The following KCNT2 variants were observed in gnomAD, a reference collection of about 807,000 sequenced individuals.
The protein encoded by KCNT2 is potassium sodium-activated channel subfamily T member 2, also known as potassium channel subfamily T member 2.
A neutral mutation model predicts 153.8 loss-of-function variants in KCNT2; 67 were observed. That is an observed-to-expected ratio of 0.44 (90% CI 0.36 to 0.53). The LOEUF is 0.53. Ranked by LOEUF, KCNT2 falls within the 20% of genes least tolerant of loss-of-function variation. The pLI, the probability that KCNT2 is intolerant of heterozygous loss-of-function variation, is 0.00. For missense variants in KCNT2, 975 were observed against 1,354.8 expected (o/e 0.72, Z 4.40); for synonymous variants, 500 against 458.8 (o/e 1.09, Z -1.15).
At chr1:196,426,011 T>C (rs1479308767) in intron 10 of KCNT2, 23 bp from the exon 11 acceptor site, 2 of 1,601,606 alleles carry the variant, frequency 1.2e-6, no homozygotes, top group East Asian at 2.2e-5. Flanking sequence ...AAATGGGCAA[T>C]GGAATAGAAA....
intron 1 of KCNT2, among the ~76,000 whole-genome samples, chr1:196,539,854 ATATC>A (rs1308726165): frequency 2.0e-5 from 3 of 151,614 alleles, no homozygotes; most frequent in African/African-American, 7.3e-5. Flanking sequence ...TATATAAATT[ATATC>A]TATTATATCA....
At chr1:196,500,205 GGAGAGAGAGAGAGAGAGACGGAGAGAGA>G (rs1216765051) in intron 1 of KCNT2, among the ~76,000 whole-genome samples, 1 of 129,602 alleles carries the variant, frequency 7.7e-6, no homozygotes, top group East Asian at 2.3e-4. Context: ...GGAAGGAGGG[GGAGAGAGAGAGAGAGAGACGGAGAGAGA>G]GAGAGAGAGA....
chr1:196,409,762 A>T (rs1056435324), intron 12 of KCNT2, among the ~76,000 whole-genome samples: 13 of 151,710 alleles, frequency 8.6e-5, no homozygotes, highest in African/African-American at 2.9e-4. Flanking sequence ...TGAACATAGG[A>T]GTACAGACAT....
intron 14 of KCNT2, among the ~76,000 whole-genome samples, chr1:196,362,111 C>CT (rs1031321872): frequency 3.3e-5 from 5 of 152,048 alleles, no homozygotes; most frequent in Non-Finnish European, 5.9e-5. Context: ...TGCTCCCCCA[C>CT]TTTTTTTGTT....
intron 22 of KCNT2, among the ~76,000 whole-genome samples, chr1:196,296,396 A>C (rs867623458): frequency 6.6e-6 from 1 of 151,982 alleles, no homozygotes; most frequent in South Asian, 2.1e-4. Context: ...TATAACAATG[A>C]ATATATTACA....
chr1:196,311,255 G>A (rs113470901), intron 21 of KCNT2, among the ~76,000 whole-genome samples: 7,522 of 151,778 alleles, frequency 0.05, 282 homozygotes, highest in Non-Finnish European at 0.072. Context: ...AAGGCCACCA[G>A]CTATGTCCAC....
At chr1:196,395,546 C>A (rs1156260412) in intron 13 of KCNT2, among the ~76,000 whole-genome samples, 1 of 151,368 alleles carries the variant, frequency 6.6e-6, no homozygotes, top group Non-Finnish European at 1.5e-5. Flanking sequence ...TCCAAGTATC[C>A]TTTTTAGTAT....
intron 27 of KCNT2, among the ~76,000 whole-genome samples, chr1:196,230,365 C>T (rs1356876792): frequency 6.6e-6 from 1 of 151,848 alleles, no homozygotes. Flanking sequence ...AATGTTAGGC[C>T]CATTGTTGAG....
chr1:196,314,370 A>C (rs1662496043), intron 21 of KCNT2, among the ~76,000 whole-genome samples: 1 of 151,500 alleles, frequency 6.6e-6, no homozygotes, highest in African/African-American at 2.4e-5. Flanking sequence ...TCTACCCTGT[A>C]ATTTTCTTTT....
intron 12 of KCNT2, among the ~76,000 whole-genome samples, chr1:196,405,266 T>C (rs148318313): frequency 1.0e-3 from 153 of 151,480 alleles, no homozygotes; most frequent in African/African-American, 3.5e-3. Context: ...AATCATAGAG[T>C]AAAATGTTTA....
At chr1:196,302,718 A>AC (rs1245478747) in intron 22 of KCNT2, among the ~76,000 whole-genome samples, 1 of 149,964 alleles carries the variant, frequency 6.7e-6, no homozygotes, top group Non-Finnish European at 1.5e-5. Context: ...AAGAGTTAGG[A>AC]CCCCAGCACA....
intron 16 of KCNT2, among the ~76,000 whole-genome samples, chr1:196,335,600 C>T (rs990650666): frequency 4.6e-5 from 7 of 152,250 alleles, no homozygotes; most frequent in South Asian, 4.1e-4. Flanking sequence ...ATTTATGCAG[C>T]GCATGACTAT....
intron 1 of KCNT2, among the ~76,000 whole-genome samples, chr1:196,519,249 G>A (rs1056384113): frequency 6.6e-6 from 1 of 152,126 alleles, no homozygotes; most frequent in Non-Finnish European, 1.5e-5. Context: ...TGAAACTCGT[G>A]AGAACAAAGA....
In KCNT2 at chr1:196,504,486, G is replaced by T. The variant is rs1398785905; in HGVS notation, c.96-12145C>A. 3.9e-5 allele frequency among the ~76,000 whole-genome samples: 6 copies of T among 152,080 alleles called. No individual in the cohort carries two copies. In the South Asian group the frequency reaches 8.3e-4, roughly 21 times the overall value. On this transcript the variant is annotated intron_variant, in intron 1 of 27. Coordinates refer to ENST00000294725, the MANE Select transcript of KCNT2 (RefSeq NM_198503.5). ...CATTTTCTTAATCCAGTCTATCATT[G>T]TTGGACATTTGGCTTGGTTCCAAGT...
intron 8 of KCNT2, among the ~76,000 whole-genome samples, chr1:196,435,006 G>C (rs1440334598): frequency 6.6e-6 from 1 of 150,776 alleles, no homozygotes; most frequent in Non-Finnish European, 1.5e-5. Context: ...AGTAATTACA[G>C]GTAAGACTGG....
At chr1:196,300,693 C>A (rs1307237606) in intron 22 of KCNT2, among the ~76,000 whole-genome samples, 1 of 152,084 alleles carries the variant, frequency 6.6e-6, no homozygotes, top group Non-Finnish European at 1.5e-5. Flanking sequence ...TACACAGATT[C>A]CCTGTTTCTT....
In KCNT2 at chr1:196,540,161, C is replaced by A. The variant is rs115532799; in HGVS notation, c.96-47820G>T. On this transcript the variant is annotated intron_variant, in intron 1 of 27. Coordinates refer to ENST00000294725, the MANE Select transcript of KCNT2 (RefSeq NM_198503.5). ...GGATCACTCTTAGTAGTTTTTAAGT[C>A]CAGAAAAAAGAATATGCACTTTTAC... Among the ~76,000 whole-genome samples, 1,035 of 152,032 alleles carry A rather than the reference C, an allele frequency of 6.8e-3. 14 individuals carry two copies. Among genetic ancestry groups the A allele is most frequent in the African/African-American group, 0.023 (964 of 41,468 alleles).
intron 8 of KCNT2, among the ~76,000 whole-genome samples, chr1:196,438,863 A>G (rs1674964115): frequency 6.6e-6 from 1 of 151,870 alleles, no homozygotes; most frequent in African/African-American, 2.4e-5. Flanking sequence ...TAAAATAGTA[A>G]TATTTTGAAA....
chr1:196,267,266 T>C (rs1472011263), intron 25 of KCNT2, among the ~76,000 whole-genome samples: 5 of 152,200 alleles, frequency 3.3e-5, no homozygotes, highest in African/African-American at 7.2e-5. Context: ...CAAGAAAGAA[T>C]AGACCATTGT....
Sources: gnomAD v4.1 joint callset for allele counts (sites outside exome capture counted in the v4.1 genomes callset) on GRCh38, gnomAD v4.1.1 for gene constraint, MANE v1.5 for transcripts, NCBI Gene and HGNC (gene_info 2026-07-23, HGNC 2026-07-21) for gene names.